UBE3D: variants seen among roughly 807,000 people sequenced by gnomAD.
The protein encoded by UBE3D is E3 ubiquitin-protein ligase E3D.
Under a neutral mutation model 49.6 loss-of-function variants are expected in UBE3D, and 48 were observed. The ratio of observed to expected loss-of-function variants is 0.97; its 90% CI spans 0.77 to 1.23. UBE3D has a LOEUF of 1.23. Among genes scored for constraint, UBE3D ranks in the 50% most tolerant of loss-of-function variants. The pLI, the probability that UBE3D is intolerant of heterozygous loss-of-function variation, is 0.00. For missense variants in UBE3D, 452 were observed against 468.4 expected, an observed-to-expected ratio of 0.96 and a Z score of 0.32; for synonymous variants, 189 against 174.2, an observed-to-expected ratio of 1.08 and a Z score of -0.67.
intron 8 of UBE3D, among the ~76,000 whole-genome samples, chr6:82,988,714 CCTTT>C (rs1189180226): frequency 2.6e-5 from 4 of 152,054 alleles, no homozygotes; most frequent in African/African-American, 9.7e-5. Flanking sequence ...TGTGCCATTT[CCTTT>C]CTTTAGTTTT....
At chr6:82,980,259 T>C (rs905231475) in intron 8 of UBE3D, among the ~76,000 whole-genome samples, 38 of 152,098 alleles carry the variant, frequency 2.5e-4, no homozygotes, top group African/African-American at 8.9e-4. Flanking sequence ...GTTCTTTTTT[T>C]TGACGTTTTA....
chr6:82,888,047 A>G (rs1770920165), downstream of UBE3D, among the ~76,000 whole-genome samples: 1 of 152,124 alleles, frequency 6.6e-6, no homozygotes, highest in South Asian at 2.1e-4. Context: ...TCTGGTTTCC[A>G]GTGAAAAAAG....
chr6:83,043,877 T>A (rs528638659), intron 4 of UBE3D, among the ~76,000 whole-genome samples: 1 of 152,192 alleles, frequency 6.6e-6, no homozygotes, highest in Non-Finnish European at 1.5e-5. Flanking sequence ...AAGCAACTTA[T>A]GCAGCAAGAG....
intron 1 of UBE3D, among the ~76,000 whole-genome samples, chr6:83,065,065 G>A (rs1192292341): frequency 2.0e-5 from 3 of 152,188 alleles, no homozygotes; most frequent in African/African-American, 7.2e-5. Context: ...GTTCTCACTG[G>A]AAGGAAGAAT....
At chr6:82,905,751 C>T (rs1236864311) in intron 9 of UBE3D, among the ~76,000 whole-genome samples, 5 of 152,188 alleles carry the variant, frequency 3.3e-5, no homozygotes, top group African/African-American at 1.2e-4. Context: ...GTCCTCCCTC[C>T]CTGTTCAAAC....
chr6:82,963,190 C>CTTTT (rs5877828), intron 8 of UBE3D, among the ~76,000 whole-genome samples: 7 of 123,108 alleles, frequency 5.7e-5, no homozygotes, highest in Middle Eastern at 4.1e-3. Context: ...AAGTTTTCAT[C>CTTTT]TTTTTTTTTT....
At chr6:83,025,438 T>A (rs990786252) in intron 5 of UBE3D, among the ~76,000 whole-genome samples, 41 of 634 alleles carry the variant, frequency 0.065, no homozygotes, top group Admixed American at 0.27. Flanking sequence ...AAAATAAGAT[T>A]TTTTTTTTTT....
chr6:82,903,540 G>T (rs7744090), intron 9 of UBE3D, among the ~76,000 whole-genome samples: 36,511 of 151,932 alleles, frequency 0.24, 4,771 homozygotes, highest in Admixed American at 0.41. Flanking sequence ...CAGTAAAAAC[G>T]ATTATGACTT....
intron 9 of UBE3D, among the ~76,000 whole-genome samples, chr6:82,951,370 A>G (rs1409953098): frequency 3.3e-5 from 5 of 152,218 alleles, no homozygotes. Flanking sequence ...AATTCTATCC[A>G]TACCATTTAG....
At position 82,940,405 on chromosome 6, in the gene UBE3D, C is replaced by T. The variant is rs568619149; in HGVS notation, c.1149+16907G>A. On this transcript the variant is annotated intron_variant, in intron 9 of 9. Transcript: ENST00000369747. Reference sequence around the variant, plus strand: ...GGACAGTAATCACTACCTTTGAGAACGAAGTTCCTAAATACAATGACCAGC... The same window carrying T: ...GGACAGTAATCACTACCTTTGAGAATGAAGTTCCTAAATACAATGACCAGC... Among the ~76,000 whole-genome samples the T allele has an allele frequency of 1.3e-3, 192 of 152,276 alleles. 8 individuals are homozygous for T. In the South Asian group the frequency reaches 0.038, roughly 30 times the overall value.
chr6:82,900,167 T>C (rs1024968333), intron 9 of UBE3D, among the ~76,000 whole-genome samples: 3 of 152,238 alleles, frequency 2.0e-5, no homozygotes, highest in African/African-American at 4.8e-5. Flanking sequence ...TGCTGCCCTA[T>C]TGGCGACATG....
At chr6:83,040,060 T>G (rs1282302509) in intron 4 of UBE3D, among the ~76,000 whole-genome samples, 5 of 152,054 alleles carry the variant, frequency 3.3e-5, no homozygotes, top group Non-Finnish European at 4.4e-5. Context: ...TGTGCATGAG[T>G]GTATGTGTGT....
At chr6:83,057,381 C>T (rs1317364175) in intron 2 of UBE3D, among the ~76,000 whole-genome samples, 2 of 30,868 alleles carry the variant, frequency 6.5e-5, no homozygotes, top group Admixed American at 3.8e-4. Context: ...CCTCCCCTAC[C>T]TTGTTCACTC....
chr6:83,038,408 A>G lies in UBE3D; in HGVS notation c.667+8T>C, dbSNP rs748915628. On this transcript the variant is annotated splice_region_variant and intron_variant, in intron 5 of 9. Coordinates refer to ENST00000369747, the MANE Select transcript of UBE3D (RefSeq NM_198920.3). ...AATCATTTTGGCTTCTTGTTATGAAATTCTTACCTGATGACACGGTCTCTC... is the reference window on the plus strand; with the variant it reads ...AATCATTTTGGCTTCTTGTTATGAAGTTCTTACCTGATGACACGGTCTCTC... The G allele has an allele frequency of 1.2e-6, 2 of 1,609,772 alleles. No individual in the cohort carries two copies. Among genetic ancestry groups the G allele is most frequent in the Admixed American group, 3.4e-5 (2 of 59,174 alleles).
chr6:83,028,812 C>T (rs982820032), intron 5 of UBE3D, among the ~76,000 whole-genome samples: 3 of 152,096 alleles, frequency 2.0e-5, no homozygotes, highest in Admixed American at 1.3e-4. Flanking sequence ...GATAGGAATC[C>T]ATTATTTCCA....
intron 8 of UBE3D, among the ~76,000 whole-genome samples, chr6:82,966,649 C>CAAAAAA (rs1204365470): frequency 1.2e-4 from 3 of 25,082 alleles, no homozygotes; most frequent in Admixed American, 3.5e-4. Flanking sequence ...GACTCCGTCT[C>CAAAAAA]AAAAAAAAAA....
chr6:83,038,760 A>C (rs1782445774), intron 4 of UBE3D, among the ~76,000 whole-genome samples: 1 of 152,220 alleles, frequency 6.6e-6, no homozygotes, highest in African/African-American at 2.4e-5. Context: ...GTAGTACCTT[A>C]TATTTCTAAA....
chr6:83,006,372 A>G (rs111614307), intron 8 of UBE3D, among the ~76,000 whole-genome samples: 2 of 152,158 alleles, frequency 1.3e-5, no homozygotes, highest in Non-Finnish European at 2.9e-5. Context: ...TAGGACCCCA[A>G]TGTCCCTGTA....
intron 9 of UBE3D, among the ~76,000 whole-genome samples, chr6:82,918,009 C>G (rs1773048268): frequency 6.6e-6 from 1 of 152,172 alleles, no homozygotes. Context: ...AAACTCCTTG[C>G]TCTTTATTTT....
Sources: allele counts gnomAD v4.1 joint callset (sites outside exome capture counted in the v4.1 genomes callset), GRCh38; gene constraint gnomAD v4.1.1; transcripts MANE v1.5; gene names NCBI Gene and HGNC (gene_info 2026-07-23, HGNC 2026-07-21).